The following DENND2C variants were observed in gnomAD, a reference collection of about 807,000 sequenced individuals.
DENND2C encodes DENN domain containing 2C, also known as DENN domain-containing protein 2C.
In DENND2C, 72 loss-of-function variants were observed where a neutral mutation model predicts 112.4. That is an observed-to-expected ratio of 0.64 (90% CI 0.53 to 0.78). DENND2C has a LOEUF of 0.78. DENND2C is among the 30% of genes least tolerant of loss of function. DENND2C has a pLI of 0.00. For missense variants in DENND2C, 992 were observed against 1,113.8 expected, an observed-to-expected ratio of 0.89 and a Z score of 1.56; for synonymous variants, 329 against 381.6, an observed-to-expected ratio of 0.86 and a Z score of 1.61.
chr1:114,590,758 G>A (rs1482798423), intron 18 of DENND2C, among the ~76,000 whole-genome samples: 24 of 126,158 alleles, frequency 1.9e-4, no homozygotes, highest in African/African-American at 3.4e-4. Context: ...CAGCCTGGGC[G>A]ACAGAGCGAG....
At chr1:114,658,739 G>C (rs1180141246) in intron 1 of DENND2C, among the ~76,000 whole-genome samples, 4 of 151,932 alleles carry the variant, frequency 2.6e-5, no homozygotes, top group Non-Finnish European at 5.9e-5. Context: ...CGACTCACAA[G>C]AGGGTCAAAA....
intron 1 of DENND2C, among the ~76,000 whole-genome samples, chr1:114,669,669 C>T (rs533261782): frequency 4.6e-5 from 7 of 152,290 alleles, no homozygotes; most frequent in East Asian, 1.9e-4. Flanking sequence ...CAGCAGAGAG[C>T]GGCGCCCAGC....
chr1:114,584,254 T>G lies in DENND2C; in HGVS notation c.*1346A>C, dbSNP rs1475053379. The G allele has an allele frequency of 6.6e-6, 1 of 152,144 alleles. No individual in the cohort carries two copies. The highest frequency in any genetic ancestry group is 1.5e-5 in the Non-Finnish European group (1 of 68,056). The allele number at this position is 152,144 out of a possible 1,614,324, so 9.4% of individuals were successfully genotyped here. On this transcript the variant is annotated 3_prime_UTR_variant, in exon 21 of 21. Transcript: ENST00000393274. ...AACGTATTTAACTTCTTTGAATTTGTTTTTTTCTTTTTTCTTTTCCTTTTT... is the reference window on the plus strand; with the variant it reads ...AACGTATTTAACTTCTTTGAATTTGGTTTTTTCTTTTTTCTTTTCCTTTTT...
At chr1:114,632,470 G>C (rs1401834600) in intron 3 of DENND2C, among the ~76,000 whole-genome samples, 1 of 152,094 alleles carries the variant, frequency 6.6e-6, no homozygotes, top group Non-Finnish European at 1.5e-5. Context: ...AATTTTTAAA[G>C]TGCTAGGAAA....
Position 114,626,141 on chromosome 1 carries a change from G to A in DENND2C, c.-157C>T. 1.4e-6 allele frequency: 1 copy of A among 705,946 alleles called. No homozygotes were observed. Among genetic ancestry groups the A allele is most frequent in the Non-Finnish European group, 2.2e-6 (1 of 451,138 alleles). The allele number at this position is 705,946 out of a possible 1,614,324, so 43.7% of individuals were successfully genotyped here. On this transcript the variant is annotated 5_prime_UTR_variant, in exon 4 of 21. Transcript: ENST00000393274. ...AATCTCTTTGTAAAAAGAAAATTTT[G>A]ATCAGTGATCCTTGTTGAAAATGGC...
intron 8 of DENND2C, among the ~76,000 whole-genome samples, chr1:114,616,784 G>A (rs550111456): frequency 2.5e-4 from 38 of 152,114 alleles, no homozygotes; most frequent in Non-Finnish European, 4.1e-4. Flanking sequence ...GAACCCAGGA[G>A]ATAAAGGTTG....
rs141757030 is a variant in DENND2C at position 114,660,859 on chromosome 1, T to C, written c.-573-6098A>G. 5.5e-4 allele frequency among the ~76,000 whole-genome samples: 84 copies of C among 152,222 alleles called. 2 individuals are homozygous for C. The East Asian group carries it at 0.015, about 27-fold the overall frequency. ...CGGGCGTGGTGTCTCATGCCTGTAA[T>C]CCCTGCACTTTGGGAGGCCGAGGCA... is the stretch of plus-strand genomic sequence containing the variant. On this transcript the variant is annotated intron_variant, in intron 1 of 20. Transcript: ENST00000393274.
chr1:114,628,054 C>T (rs757873423), intron 3 of DENND2C, among the ~76,000 whole-genome samples: 1 of 151,900 alleles, frequency 6.6e-6, no homozygotes, highest in Admixed American at 6.6e-5. Flanking sequence ...ACTTGTCATC[C>T]CAGGACTTTA....
chr1:114,630,263 G>A (rs558925665), intron 3 of DENND2C, among the ~76,000 whole-genome samples: 5 of 151,622 alleles, frequency 3.3e-5, no homozygotes, highest in Non-Finnish European at 7.4e-5. Flanking sequence ...AGCCGAGATC[G>A]CGCCACTTCA....
At chr1:114,628,514 C>G (rs917746944) in intron 3 of DENND2C, among the ~76,000 whole-genome samples, 1 of 152,000 alleles carries the variant, frequency 6.6e-6, no homozygotes, top group Non-Finnish European at 1.5e-5. Flanking sequence ...TGATAGCTTT[C>G]GAAAAATGAA....
intron 1 of DENND2C, among the ~76,000 whole-genome samples, chr1:114,666,949 T>A (rs1342777777): frequency 6.6e-6 from 1 of 152,190 alleles, no homozygotes; most frequent in Admixed American, 6.5e-5. Flanking sequence ...CCTAATGCAA[T>A]CAGCAAGGAA....
At chr1:114,625,149 C>A in intron 4 of DENND2C, 30 bp downstream of exon 4, 1 of 1,549,128 alleles carries the variant, frequency 6.5e-7, no homozygotes, top group Non-Finnish European at 8.7e-7. Context: ...AAAATACCTA[C>A]AAGTCTTTAT....
chr1:114,613,562 GAAAT>G (rs1655879596), intron 8 of DENND2C, among the ~76,000 whole-genome samples: 1 of 152,120 alleles, frequency 6.6e-6, no homozygotes, highest in Non-Finnish European at 1.5e-5. Flanking sequence ...TTCAGAGAAA[GAAAT>G]AAACACTGTG....
chr1:114,590,035 C>T (rs767712829), intron 18 of DENND2C, among the ~76,000 whole-genome samples: 1 of 152,122 alleles, frequency 6.6e-6, no homozygotes, highest in Non-Finnish European at 1.5e-5. Flanking sequence ...TGTCTTTGAA[C>T]GGTATACAAA....
chr1:114,598,680 GT>G (rs1311915234), intron 16 of DENND2C, among the ~76,000 whole-genome samples: 1 of 151,710 alleles, frequency 6.6e-6, no homozygotes, highest in Non-Finnish European at 1.5e-5. Flanking sequence ...TTGAAATAAG[GT>G]TTTTTGGGTT....
Position 114,625,404 on chromosome 1 carries a change from A to G in DENND2C, c.581T>C (p.Ile194Thr). 1.2e-6 allele frequency: 2 copies of G among 1,614,150 alleles called. No individual in the cohort carries two copies. Among genetic ancestry groups the G allele is most frequent in the South Asian group, 1.1e-5 (1 of 91,084 alleles). Residue 194 changes from isoleucine (I) to threonine (T), a missense_variant, in exon 4 of 21, where the codon ATT (isoleucine) becomes ACT (threonine). Transcript: ENST00000393274. ...SYGITKSLEN[I>T]YSEPEGQECG... ...TTCTTGCCCCTCAGGTTCAGAGTAAATATTTTCTAAGCTCTTGGTTATTCC... is the reference window on the plus strand; with the variant it reads ...TTCTTGCCCCTCAGGTTCAGAGTAAGTATTTTCTAAGCTCTTGGTTATTCC...
Position 114,608,745 on chromosome 1 carries a change from G to A in DENND2C, c.1498C>T (p.Gln500Ter). The change falls in exon 10 of 21, where the codon CAG (glutamine) becomes TAG (stop). Residue 500 changes from glutamine to a stop codon, truncating the protein, a stop_gained. Transcript: ENST00000393274. LOFTEE classifies it high-confidence loss of function. ...LFELFVVVSL[Q>*]KKPSGISYIP... is the part of the protein sequence containing the mutation. ...TAGCTTATTCCTGATGGTTTCTTCT[G>A]TAGAGACACCACCACAAAAAGTTCA... is the stretch of plus-strand genomic sequence containing the variant. The A allele has an allele frequency of 6.2e-7, 1 of 1,614,192 alleles. No homozygotes were observed. Among genetic ancestry groups the A allele is most frequent in the South Asian group, 1.1e-5 (1 of 91,086 alleles).
At chr1:114,618,521 C>T in intron 7 of DENND2C, 39 bp from the exon 8 acceptor site, 1 of 1,267,728 alleles carries the variant, frequency 7.9e-7, no homozygotes, top group Non-Finnish European at 1.1e-6. Flanking sequence ...AAGACCAACA[C>T]CCAAAAGTTT....
At chr1:114,664,627 G>A (rs1039094926) in intron 1 of DENND2C, among the ~76,000 whole-genome samples, 5 of 151,572 alleles carry the variant, frequency 3.3e-5, no homozygotes, top group Admixed American at 1.3e-4. Context: ...CTACAGACAC[G>A]CGCCACCACA....
Sources: allele counts gnomAD v4.1 joint callset (sites outside exome capture counted in the v4.1 genomes callset), GRCh38; gene constraint gnomAD v4.1.1; transcripts MANE v1.5; gene names NCBI Gene and HGNC (gene_info 2026-07-23, HGNC 2026-07-21).